The following CFAP97 variants were observed in gnomAD, a reference collection of about 807,000 sequenced individuals.
CFAP97 encodes the protein cilia and flagella associated protein 97.
In CFAP97, 36 loss-of-function variants were observed where a neutral mutation model predicts 43.1. The observed-to-expected ratio is 0.84, with a 90% confidence interval of 0.64 to 1.10. The LOEUF (loss-of-function observed/expected upper bound fraction) is 1.10. Among genes scored for constraint, CFAP97 ranks in the 50% least tolerant of loss-of-function variants. The pLI is 0.00. For synonymous variants in CFAP97, 228 were observed against 225.7 expected (o/e 1.01, Z -0.09); for missense variants, 657 against 620.3 (o/e 1.06, Z -0.63).
At chr4:185,181,081 TCTGCA>T (rs1407263784) in intron 2 of CFAP97, among the ~76,000 whole-genome samples, 1 of 151,924 alleles carries the variant, frequency 6.6e-6, no homozygotes, top group African/African-American at 2.4e-5. Flanking sequence ...AAACCTTGTC[TCTGCA>T]GACTTTTGTC....
chr4:185,164,428 T>A (rs774632200), intron 3 of CFAP97, among the ~76,000 whole-genome samples: 1 of 152,206 alleles, frequency 6.6e-6, no homozygotes, highest in Non-Finnish European at 1.5e-5. Flanking sequence ...ATTCTCGACA[T>A]ACCATGTGAA....
chr4:185,184,278 T>G (rs1475276977), intron 2 of CFAP97, among the ~76,000 whole-genome samples: 1 of 152,232 alleles, frequency 6.6e-6, no homozygotes, highest in African/African-American at 2.4e-5. Context: ...TGGACAAAGT[T>G]GGCTGCCCAA....
chr4:185,186,418 G>A (rs182238950), intron 2 of CFAP97, among the ~76,000 whole-genome samples: 24 of 152,264 alleles, frequency 1.6e-4, no homozygotes, highest in African/African-American at 5.5e-4. Flanking sequence ...GGGCAACAGA[G>A]TGAGACTCTG....
chr4:185,190,113 C>T (rs2111386209), intron 2 of CFAP97, 30 bp downstream of exon 2: 1 of 1,475,994 alleles, frequency 6.8e-7, no homozygotes, highest in East Asian at 2.3e-5. Context: ...AATATTTAAA[C>T]ACACATTTTT....
At chr4:185,201,639 T>C (rs1468046158) in intron 1 of CFAP97, among the ~76,000 whole-genome samples, 3 of 152,236 alleles carry the variant, frequency 2.0e-5, no homozygotes, top group Non-Finnish European at 2.9e-5. Flanking sequence ...CATAATACCA[T>C]TGTACCCTTA....
chr4:185,195,151 A>G (rs1239558484), intron 1 of CFAP97, among the ~76,000 whole-genome samples: 2 of 151,262 alleles, frequency 1.3e-5, no homozygotes, highest in East Asian at 3.9e-4. Flanking sequence ...CAAAAAGGAT[A>G]CACTGAGATC....
chr4:185,185,633 CTTTTTTT>C (rs376786641), intron 2 of CFAP97, among the ~76,000 whole-genome samples: 1 of 105,958 alleles, frequency 9.4e-6, no homozygotes, highest in Non-Finnish European at 1.8e-5. Flanking sequence ...ATTTGCCAAC[CTTTTTTT>C]TTTTTTTTTT....
intron 1 of CFAP97, among the ~76,000 whole-genome samples, chr4:185,198,655 G>GGT (rs1283955009): frequency 6.6e-6 from 1 of 151,970 alleles, no homozygotes; most frequent in Non-Finnish European, 1.5e-5. Flanking sequence ...CGGGTGTGGT[G>GGT]GCGCATGCCT....
chr4:185,178,144 C>T (rs202069200), intron 2 of CFAP97, among the ~76,000 whole-genome samples: 2 of 151,016 alleles, frequency 1.3e-5, no homozygotes, highest in Non-Finnish European at 2.9e-5. Context: ...CCAAGAAATA[C>T]GCATTTTGTA....
At chr4:185,210,226 G>C, upstream of CFAP97, 1 of 984,842 alleles carries the variant, frequency 1.0e-6, no homozygotes, top group Non-Finnish European at 1.2e-6. The surrounding 1 kb of genome is among the most constrained non-coding windows in gnomAD (Gnocchi z 4.4). Flanking sequence ...CCGGCTGGCC[G>C]CGACCTCAGC....
At chr4:185,171,039 T>A (rs1420069186) in intron 3 of CFAP97, among the ~76,000 whole-genome samples, 1 of 135,950 alleles carries the variant, frequency 7.4e-6, no homozygotes, top group Non-Finnish European at 1.6e-5. Flanking sequence ...TCTAAATTCA[T>A]ACATGCCTTT....
intron 2 of CFAP97, among the ~76,000 whole-genome samples, chr4:185,176,475 T>C (rs1179879640): frequency 6.6e-6 from 1 of 152,124 alleles, no homozygotes; most frequent in Non-Finnish European, 1.5e-5. Flanking sequence ...ATGTATGAAA[T>C]AATACTAATG....
intron 2 of CFAP97, among the ~76,000 whole-genome samples, chr4:185,186,666 A>T (rs1736017400): frequency 6.6e-6 from 1 of 152,150 alleles, no homozygotes; most frequent in Non-Finnish European, 1.5e-5. Flanking sequence ...AAAATCACTA[A>T]TTTTTTTGGA....
intron 3 of CFAP97, chr4:185,169,862 G>A: frequency 2.0e-6 from 2 of 985,796 alleles, no homozygotes; most frequent in Non-Finnish European, 2.4e-6. Context: ...TTCAACGGAA[G>A]GAGATAACAG....
chr4:185,170,191 CA>C, intron 3 of CFAP97: 1 of 565,598 alleles, frequency 1.8e-6, no homozygotes, highest in African/African-American at 2.0e-5. Flanking sequence ...ACTAAAAATA[CA>C]AAAATTAGCT....
In CFAP97 at chr4:185,160,923, A is replaced by G. The variant is rs954446990; in HGVS notation, c.*1875T>C. 1 of 147,432 alleles carries G rather than the reference A, an allele frequency of 6.8e-6. No homozygotes were observed. Among genetic ancestry groups the G allele is most frequent in the Non-Finnish European group, 1.5e-5 (1 of 66,760 alleles). 9.1% of individuals were successfully genotyped at this position (147,432 alleles called of 1,614,324 possible). A position where few individuals can be genotyped will look rare whatever the true frequency, so the allele number is the denominator to read the frequency against. Reference sequence around the variant, plus strand: ...TTTTTTATATATATAAAAAGATTATATATATAAAACATATATATATATTTT... The same window carrying G: ...TTTTTTATATATATAAAAAGATTATGTATATAAAACATATATATATATTTT... On this transcript the variant is annotated 3_prime_UTR_variant, in exon 5 of 5. Transcript: ENST00000458385.
intron 2 of CFAP97, among the ~76,000 whole-genome samples, chr4:185,187,630 C>T (rs1736059609): frequency 1.3e-5 from 2 of 151,964 alleles, no homozygotes; most frequent in African/African-American, 4.8e-5. Flanking sequence ...AGTGTCCTTA[C>T]AACAGGAGCG....
intron 3 of CFAP97, chr4:185,169,737 G>A (rs1242553824): frequency 1.0e-6 from 1 of 985,420 alleles, no homozygotes; most frequent in Non-Finnish European, 1.2e-6. Context: ...ATGAAGCAAA[G>A]ACCTTGTAAG....
chr4:185,191,240 A>G (rs781146509), intron 1 of CFAP97, 28 bp from the exon 2 acceptor site: 43 of 1,402,442 alleles, frequency 3.1e-5, no homozygotes, highest in Non-Finnish European at 3.6e-5. Flanking sequence ...ACATCAGACT[A>G]AAGAGTGATT....
Sources: allele counts gnomAD v4.1 joint callset (sites outside exome capture counted in the v4.1 genomes callset), GRCh38; gene constraint gnomAD v4.1.1; non-coding constraint Gnocchi (gnomAD v3.1); transcripts MANE v1.5; gene names NCBI Gene and HGNC (gene_info 2026-07-23, HGNC 2026-07-21).